HLCS: variants seen among roughly 807,000 people sequenced by gnomAD.
HLCS encodes holocarboxylase synthetase.
HLCS carries 53 observed loss-of-function variants against 75.0 expected under a neutral mutation model. That is an observed-to-expected ratio of 0.71 (90% CI 0.57 to 0.89). The LOEUF is 0.89. HLCS is among the 40% of genes least tolerant of loss of function. The pLI, the probability that HLCS is intolerant of heterozygous loss-of-function variation, is 0.00. For missense variants in HLCS, 966 were observed against 1,074.0 expected (o/e 0.90, Z 1.41); for synonymous variants, 431 against 428.6 (o/e 1.01, Z -0.07).
At chr21:36,771,867 C>CGG (rs988383019) in intron 6 of HLCS, among the ~76,000 whole-genome samples, 40 of 151,946 alleles carry the variant, frequency 2.6e-4, no homozygotes, top group Admixed American at 4.6e-4. Context: ...GGTGTGGTGG[C>CGG]GGGTGCCTGT....
At chr21:36,757,038 G>A (rs1601102199) in intron 9 of HLCS, 1 of 783,016 alleles carries the variant, frequency 1.3e-6, no homozygotes, top group South Asian at 5.8e-5. Context: ...TAATTCAATA[G>A]AAGCTATTAA....
intron 6 of HLCS, among the ~76,000 whole-genome samples, chr21:36,812,998 G>C (rs769027434): frequency 1.6e-4 from 25 of 152,166 alleles, no homozygotes; most frequent in Non-Finnish European, 3.2e-4. Flanking sequence ...GTTCAAGGTT[G>C]CAGTGAGCTG....
intron 1 of HLCS, chr21:36,981,002 T>C (rs868634063): frequency 8.5e-5 from 13 of 152,368 alleles, no homozygotes; most frequent in African/African-American, 3.1e-4. Context: ...CTTTAGGGCT[T>C]GCCTCATAGG....
chr21:36,853,389 T>G (rs2063079726), intron 6 of HLCS, among the ~76,000 whole-genome samples: 1 of 152,100 alleles, frequency 6.6e-6, no homozygotes, highest in Non-Finnish European at 1.5e-5. Flanking sequence ...CGTAAAAACC[T>G]CCATGGGGCA....
chr21:36,924,593 A>G (rs963682651), intron 5 of HLCS, among the ~76,000 whole-genome samples: 17 of 152,040 alleles, frequency 1.1e-4, no homozygotes, highest in African/African-American at 3.6e-4. Context: ...AAAAATACAT[A>G]AGCCTCTTCA....
At chr21:36,912,316 A>G (rs2065753887) in intron 5 of HLCS, among the ~76,000 whole-genome samples, 1 of 152,120 alleles carries the variant, frequency 6.6e-6, no homozygotes, top group Non-Finnish European at 1.5e-5. Context: ...AAAACAAGGT[A>G]TGAAGTTCTG....
At chr21:36,790,321 T>C (rs1301809584) in intron 6 of HLCS, among the ~76,000 whole-genome samples, 1 of 152,152 alleles carries the variant, frequency 6.6e-6, no homozygotes, top group Admixed American at 6.5e-5. Context: ...GGAGAATTGC[T>C]TGAACCCAGG....
intron 6 of HLCS, among the ~76,000 whole-genome samples, chr21:36,772,657 A>T (rs905699349): frequency 6.6e-6 from 1 of 151,096 alleles, no homozygotes; most frequent in Non-Finnish European, 1.5e-5. Context: ...AAAAAAAAAA[A>T]AAGAAGGACA....
intron 6 of HLCS, among the ~76,000 whole-genome samples, chr21:36,818,244 C>T (rs1171855502): frequency 1.3e-5 from 2 of 152,212 alleles, no homozygotes; most frequent in African/African-American, 2.4e-5. Context: ...ACATTGCCTA[C>T]TTCTGTGGCA....
chr21:36,937,879 A>G (rs1359668662), intron 3 of HLCS, among the ~76,000 whole-genome samples: 1 of 152,234 alleles, frequency 6.6e-6, no homozygotes, highest in East Asian at 1.9e-4. Flanking sequence ...GGACTGGAAC[A>G]TAAGTTGACA....
intron 1 of HLCS, among the ~76,000 whole-genome samples, chr21:36,975,554 C>T (rs1029549360): frequency 2.6e-5 from 4 of 152,214 alleles, no homozygotes; most frequent in African/African-American, 7.2e-5. Flanking sequence ...GCAGTCTTGC[C>T]TGGCATTCAA....
Position 36,759,752 on chromosome 21 carries a change from C to T in HLCS, c.2211G>A (p.Met737Ile). Residue 737 changes from methionine to isoleucine, a missense_variant, in exon 9 of 11, where the codon ATG becomes ATA. By Grantham distance (10) the Met-to-Ile change is conservative. Coordinates refer to ENST00000674895, the MANE Select transcript of HLCS (RefSeq NM_001352514.2). Reference protein sequence around the residue: ...IGGVLVNSTLMGETFYILIGC... With the variant: ...IGGVLVNSTLIGETFYILIGC... ...CAATAAGTATATAAAATGTTTCTCC[C>T]ATGAGTGTTGAGTTAACCAGAACTC... 1 of 1,606,778 alleles carries T rather than the reference C, an allele frequency of 6.2e-7. No individual in the cohort carries two copies. The highest frequency in any genetic ancestry group is 8.5e-7 in the Non-Finnish European group (1 of 1,173,340).
chr21:36,898,816 T>G (rs2065120541), intron 5 of HLCS, among the ~76,000 whole-genome samples: 1 of 152,106 alleles, frequency 6.6e-6, no homozygotes. Flanking sequence ...ATCCCAGCAC[T>G]TTGGGAGGCT....
rs1476087717 is a variant in HLCS at position 36,888,444 on chromosome 21, AAATATATATATATAT to A, written c.1892+8401_1892+8415del. ...CCCCCTTCCCATTTAAAAAAAAAAA[AAATATATATATATAT>A]ATATATATATATATATATATATATA... On this transcript the variant is annotated intron_variant, in intron 6 of 10. Coordinates refer to ENST00000674895, the MANE Select transcript of HLCS (RefSeq NM_001352514.2). Among the ~76,000 whole-genome samples, 189 of 25,524 alleles carry A rather than the reference AAATATATATATATAT, an allele frequency of 7.4e-3. 6 individuals are homozygous for A. Among genetic ancestry groups the A allele is most frequent in the African/African-American group, 0.027 (151 of 5,558 alleles). The allele number at this position is 25,524 out of a possible 152,430, so 16.7% of individuals were successfully genotyped here.
chr21:36,952,532 G>A (rs1045604096), intron 2 of HLCS, among the ~76,000 whole-genome samples: 7 of 152,174 alleles, frequency 4.6e-5, no homozygotes, highest in South Asian at 4.1e-4. Flanking sequence ...GGTGGCTCAC[G>A]CCCGTAATCC....
chr21:36,847,773 A>T (rs2062847051), intron 6 of HLCS, among the ~76,000 whole-genome samples: 1 of 152,108 alleles, frequency 6.6e-6, no homozygotes, highest in African/African-American at 2.4e-5. Context: ...ACATATAAGA[A>T]TTTTTTTTAA....
intron 2 of HLCS, among the ~76,000 whole-genome samples, chr21:36,957,149 T>C (rs2068008302): frequency 6.6e-6 from 1 of 151,916 alleles, no homozygotes; most frequent in South Asian, 2.1e-4. Flanking sequence ...TCCCCAGTGG[T>C]TGAGGTGGGG....
chr21:36,954,331 T>A (rs777898815), intron 2 of HLCS, among the ~76,000 whole-genome samples: 1 of 147,526 alleles, frequency 6.8e-6, no homozygotes, highest in East Asian at 2.1e-4. Flanking sequence ...ATAAAAAGTA[T>A]AGGCCAGGTG....
chr21:36,869,282 G>A (rs1269025346), intron 6 of HLCS, among the ~76,000 whole-genome samples: 1 of 151,840 alleles, frequency 6.6e-6, no homozygotes, highest in Non-Finnish European at 1.5e-5. Flanking sequence ...CCGCCACCAC[G>A]CCCGGCTAAT....
Sources: allele counts gnomAD v4.1 joint callset (sites outside exome capture counted in the v4.1 genomes callset), GRCh38; gene constraint gnomAD v4.1.1; transcripts MANE v1.5; gene names NCBI Gene and HGNC (gene_info 2026-07-23, HGNC 2026-07-21).